Variants in PXN observed in about 807,000 individuals in gnomAD.
PXN encodes paxillin.
PXN carries 61 observed loss-of-function variants against 103.6 expected under a neutral mutation model. That is an observed-to-expected ratio of 0.59 (90% confidence interval 0.48 to 0.73). PXN has a LOEUF of 0.73. Ranked by LOEUF, PXN falls within the 30% of genes least tolerant of loss-of-function variation. PXN has a pLI of 0.00. For missense variants in PXN, 1,274 were observed against 1,460.3 expected (o/e 0.87, Z 2.08); for synonymous variants, 562 against 607.8 (o/e 0.92, Z 1.11).
At position 120,215,580 on chromosome 12, in the gene PXN, C is replaced by T. The variant is rs200541165; in HGVS notation, c.2383G>A (p.Gly795Arg). The T allele has an allele frequency of 8.7e-5, 140 of 1,604,594 alleles. 1 individual carries two copies. The African/African-American group carries it at 1.2e-3, about 14-fold the overall frequency. The change falls in exon 10 of 15, where the codon GGA (glycine) becomes AGA (arginine). Residue 795 changes from glycine (G) to arginine (R), a missense_variant. Transcript: ENST00000637617. This position sits in a 1 kb window ranked among gnomAD's most constrained non-coding sequence, Gnocchi z 4.9. ...WPRDGGRSSP[G>R]GQDEGGFMAQ... ...CTGACCCCTCCCTCGTCCTGCCCTC[C>T]GGGGCTGCTCCGCCCGCCGTCCCGA...
chr12:120,255,344 G>A (rs575331104), intron 1 of PXN, among the ~76,000 whole-genome samples: 11 of 152,202 alleles, frequency 7.2e-5, no homozygotes, highest in Non-Finnish European at 1.3e-4. Context: ...GCTAAAGGGT[G>A]AGACAGGTGT....
chr12:120,212,152 C>T lies in PXN; in HGVS notation c.*162G>A. 9.2e-7 allele frequency: 1 copy of T among 1,090,730 alleles called. No homozygotes were observed. Among genetic ancestry groups the T allele is most frequent in the Non-Finnish European group, 1.3e-6 (1 of 742,994 alleles). 67.6% of individuals were successfully genotyped at this position (1,090,730 alleles called of 1,614,324 possible). ...AGGCTCTGGCAGGGGTGAAGACAAG[C>T]AGGGGGACCCCTCACGGCCCTCTGT... On this transcript the variant is annotated 3_prime_UTR_variant, in exon 15 of 15. Transcript: ENST00000637617. The surrounding 1 kb of genome is among the most constrained non-coding windows in gnomAD (Gnocchi z 7.2).
Position 120,215,668 on chromosome 12 carries a change from TA to T in PXN, c.2302-8del. 3.1e-6 allele frequency: 5 copies of T among 1,601,034 alleles called. No individual in the cohort carries two copies. The highest frequency in any genetic ancestry group is 4.3e-6 in the Non-Finnish European group (5 of 1,175,650). On this transcript the variant is annotated splice_polypyrimidine_tract_variant and splice_region_variant and intron_variant, in intron 9 of 14. Transcript: ENST00000637617. The surrounding 1 kb of genome is among the most constrained non-coding windows in gnomAD (Gnocchi z 4.9). ...TTTGCTCCAGGCCCTGGATCTTAGA[TA>T]GGGGAAGAGATGAGGGTAAGAAATC...
At chr12:120,243,853 G>A (rs574300570) in intron 1 of PXN, among the ~76,000 whole-genome samples, 12 of 152,304 alleles carry the variant, frequency 7.9e-5, no homozygotes, top group African/African-American at 2.9e-4. Context: ...GGAACTGTCT[G>A]CCTAAGGGGC....
chr12:120,265,278 GTC>G lies in PXN; in HGVS notation c.13+337_13+338del, dbSNP rs751203845. Among the ~76,000 whole-genome samples the G allele has an allele frequency of 2.2e-4, 34 of 152,178 alleles. No individual in the cohort carries two copies. Among genetic ancestry groups the G allele is most frequent in the South Asian group, 4.1e-4 (2 of 4,822 alleles). On this transcript the variant is annotated intron_variant, in intron 1 of 14. Transcript: ENST00000637617. The surrounding 1 kb of genome is among the most constrained non-coding windows in gnomAD (Gnocchi z 5.7). ...CTGACGAGGTGGTCTGCCGCAGGAA[GTC>G]TCGTCCCTGCAGCGGACGGGGTGGG... is the stretch of plus-strand genomic sequence containing the variant.
Position 120,212,189 on chromosome 12 carries a change from C to T in PXN, c.*125G>A. The T allele has an allele frequency of 5.1e-6, 7 of 1,368,022 alleles. No homozygotes were observed. Among genetic ancestry groups the T allele is most frequent in the Non-Finnish European group, 7.0e-6 (7 of 1,001,676 alleles). 84.7% of individuals were successfully genotyped at this position (1,368,022 alleles called of 1,614,324 possible). A position where few individuals can be genotyped will look rare whatever the true frequency, so the allele number is the denominator to read the frequency against. On this transcript the variant is annotated 3_prime_UTR_variant, in exon 15 of 15. Coordinates refer to ENST00000637617, the MANE Select transcript of PXN (RefSeq NM_001385981.1). This position sits in a 1 kb window ranked among gnomAD's most constrained non-coding sequence, Gnocchi z 7.2. ...TCACGGCCCTCTGTCCATCCCGCAC[C>T]AGCGGAGGACAAGGGTTCCAGTTTC...
intron 1 of PXN, among the ~76,000 whole-genome samples, chr12:120,258,850 G>A (rs1046671101): frequency 8.7e-5 from 13 of 148,920 alleles, no homozygotes; most frequent in South Asian, 4.3e-4. Flanking sequence ...ACCTGAGGTC[G>A]GGAGTTTGAG....
Position 120,214,296 on chromosome 12 carries a change from C to T in PXN, c.2749-79G>A. The stretch of plus-strand genomic sequence containing the variant: ...GAGACGCCCAGCAAGGCCGTCCTTC[C>T]ACCCGCAGCTCATAGCCATAGACAG... On this transcript the variant is annotated intron_variant, in intron 12 of 14. Transcript: ENST00000637617. This position sits in a 1 kb window ranked among gnomAD's most constrained non-coding sequence, Gnocchi z 5.0. The T allele has an allele frequency of 7.9e-7, 1 of 1,263,218 alleles. No homozygotes were observed. Among genetic ancestry groups the T allele is most frequent in the Middle Eastern group, 1.8e-4 (1 of 5,408 alleles). The allele number at this position is 1,263,218 out of a possible 1,614,324, so 78.3% of individuals were successfully genotyped here.
At position 120,222,915 on chromosome 12, in the gene PXN, GC is replaced by G; in HGVS notation, c.440del (p.Arg147ProfsTer6). ...GTACAGCGTTCAGTTCCAGCAGCAG[GC>G]GGTCGAGTTCAGAAAGGTTGCTGCC... ...SLGSNLSELD[R>X]LLLELNAVQH... On this transcript the variant is annotated frameshift_variant, in exon 4 of 15. Transcript: ENST00000637617. LOFTEE classifies it high-confidence loss of function. The surrounding 1 kb of genome is among the most constrained non-coding windows in gnomAD (Gnocchi z 4.7). The G allele has an allele frequency of 6.2e-7, 1 of 1,613,998 alleles. No individual in the cohort carries two copies. Among genetic ancestry groups the G allele is most frequent in the South Asian group, 1.1e-5 (1 of 91,086 alleles).
chr12:120,228,168 C>T lies in PXN; in HGVS notation c.14-3791G>A, dbSNP rs1371825762. Reference sequence around the variant, plus strand: ...TCCAGACACGCTGCTCGGAAGTAGTCGGGAGACCTCATTCAAGCTAAGAAA... The same window carrying T: ...TCCAGACACGCTGCTCGGAAGTAGTTGGGAGACCTCATTCAAGCTAAGAAA... On this transcript the variant is annotated intron_variant, in intron 1 of 14. Coordinates refer to ENST00000637617, the MANE Select transcript of PXN (RefSeq NM_001385981.1). The surrounding 1 kb of genome is among the most constrained non-coding windows in gnomAD (Gnocchi z 4.7). Among the ~76,000 whole-genome samples, 2 of 152,216 alleles carry T rather than the reference C, an allele frequency of 1.3e-5. No homozygotes were observed. Among genetic ancestry groups the T allele is most frequent in the East Asian group, 1.9e-4 (1 of 5,198 alleles).
At position 120,222,816 on chromosome 12, in the gene PXN, A is replaced by ATGGGCCC. The variant is rs1594397968; in HGVS notation, c.493+40_493+46dup. On this transcript the variant is annotated intron_variant, in intron 4 of 14. Coordinates refer to ENST00000637617, the MANE Select transcript of PXN (RefSeq NM_001385981.1). This position sits in a 1 kb window ranked among gnomAD's most constrained non-coding sequence, Gnocchi z 4.7. ...CCTCCTGGGATCTAGAGGTCAGCAGATGGGCCCTGGGCCCTGGTAGACCCT... is the reference window on the plus strand; with the variant it reads ...CCTCCTGGGATCTAGAGGTCAGCAGATGGGCCCTGGGCCCTGGGCCCTGGTAGACCCT... The ATGGGCCC allele has an allele frequency of 1.2e-6, 2 of 1,607,414 alleles. No homozygotes were observed. Among genetic ancestry groups the ATGGGCCC allele is most frequent in the Non-Finnish European group, 1.7e-6 (2 of 1,176,626 alleles).
Position 120,221,510 on chromosome 12 carries a change from G to T in PXN, c.831+113C>A. 2 of 1,256,854 alleles carry T rather than the reference G, an allele frequency of 1.6e-6. No individual in the cohort carries two copies. The highest frequency in any genetic ancestry group is 2.2e-6 in the Non-Finnish European group (2 of 914,750). The allele number at this position is 1,256,854 out of a possible 1,614,324, so 77.9% of individuals were successfully genotyped here. A position where few individuals can be genotyped will look rare whatever the true frequency, so the allele number is the denominator to read the frequency against. On this transcript the variant is annotated intron_variant, in intron 6 of 14. Coordinates refer to ENST00000637617, the MANE Select transcript of PXN (RefSeq NM_001385981.1). This position sits in a 1 kb window ranked among gnomAD's most constrained non-coding sequence, Gnocchi z 6.6. ...GCATGACAGTGTCCCTGGCTCAGGG[G>T]CAAGGCACCCAAACACTGAGATGCC...
Position 120,215,714 on chromosome 12 carries a change from G to T in PXN, c.2302-53C>A. On this transcript the variant is annotated intron_variant, in intron 9 of 14. Coordinates refer to ENST00000637617, the MANE Select transcript of PXN (RefSeq NM_001385981.1). The surrounding 1 kb of genome is among the most constrained non-coding windows in gnomAD (Gnocchi z 4.9). The stretch of plus-strand genomic sequence containing the variant: ...GAAATCTTTTTTAAAAATTAAGAAA[G>T]AATACAAGACCTTGTCACTGGACTA... The T allele has an allele frequency of 1.3e-6, 2 of 1,540,382 alleles. No homozygotes were observed. Among genetic ancestry groups the T allele is most frequent in the Non-Finnish European group, 1.8e-6 (2 of 1,141,254 alleles).
chr12:120,216,792 C>G lies in PXN; in HGVS notation c.1992+49G>C. 1 of 1,578,714 alleles carries G rather than the reference C, an allele frequency of 6.3e-7. No individual in the cohort carries two copies. The highest frequency in any genetic ancestry group is 8.5e-7 in the Non-Finnish European group (1 of 1,173,922). ...TGGGGCCAGGGAAGAACCCGGACCC[C>G]AGGTGCTTGGCTCTGGCCCAGCCCC... On this transcript the variant is annotated intron_variant, in intron 8 of 14. Coordinates refer to ENST00000637617, the MANE Select transcript of PXN (RefSeq NM_001385981.1). This position sits in a 1 kb window ranked among gnomAD's most constrained non-coding sequence, Gnocchi z 5.1.
Position 120,216,950 on chromosome 12 carries a change from T to C in PXN, c.1883A>G (p.Glu628Gly), listed in dbSNP as rs1883296942. ...GGGCCCCGCCGCCTCCGCCGGCTCC[T>C]CTGCCTCAGGCTGGATGCCCAGCCG... ...QGRLGIQPEA[E>G]EPAEAAGPSA... The change falls in exon 8 of 15, where the codon GAG becomes GGG. Residue 628 changes from glutamate (E) to glycine (G), a missense_variant. Glu to Gly is a moderately conservative substitution (Grantham distance 98). Around this residue, in one of 2 missense-constraint regions of PXN, gnomAD observed 1,178 missense variants for 1,309.0 expected, o/e 0.90. Coordinates refer to ENST00000637617, the MANE Select transcript of PXN (RefSeq NM_001385981.1). The surrounding 1 kb of genome is among the most constrained non-coding windows in gnomAD (Gnocchi z 5.1). The C allele has an allele frequency of 6.5e-7, 1 of 1,534,422 alleles. No individual in the cohort carries two copies. The highest frequency in any genetic ancestry group is 8.7e-7 in the Non-Finnish European group (1 of 1,145,514).
chr12:120,252,439 G>A (rs1566432304), intron 1 of PXN, among the ~76,000 whole-genome samples: 1 of 152,124 alleles, frequency 6.6e-6, no homozygotes, highest in Non-Finnish European at 1.5e-5. Flanking sequence ...CAAAAAGGTG[G>A]ATTCAGCTAA....
rs946458990 is a variant in PXN at position 120,212,937 on chromosome 12, G to A, written c.2980-357C>T. ...GGGTCATGCAGCTACTGAGGTCACA[G>A]CCTGGATTCATACACAGGTCTGACT... On this transcript the variant is annotated intron_variant, in intron 14 of 14. Transcript: ENST00000637617. This position sits in a 1 kb window ranked among gnomAD's most constrained non-coding sequence, Gnocchi z 7.2. 3.5e-5 allele frequency: 7 copies of A among 200,416 alleles called. No individual in the cohort carries two copies. Among genetic ancestry groups the A allele is most frequent in the African/African-American group, 1.2e-4 (5 of 42,734 alleles). 12.4% of individuals were successfully genotyped at this position (200,416 alleles called of 1,614,324 possible).
intron 1 of PXN, among the ~76,000 whole-genome samples, chr12:120,249,387 T>A (rs1170278878): frequency 6.6e-6 from 1 of 151,904 alleles, no homozygotes; most frequent in African/African-American, 2.4e-5. Context: ...AGACTGATAA[T>A]ACCCAACAGG....
Position 120,215,542 on chromosome 12 carries a change from C to A in PXN, c.2403+18G>T. 6.4e-7 allele frequency: 1 copy of A among 1,563,010 alleles called. No homozygotes were observed. ...AGAGCACGACACGCAGGACACCCAG[C>A]CCAGCCTTGGCACTGACCCCTCCCT... On this transcript the variant is annotated intron_variant, in intron 10 of 14. Coordinates refer to ENST00000637617, the MANE Select transcript of PXN (RefSeq NM_001385981.1). The surrounding 1 kb of genome is among the most constrained non-coding windows in gnomAD (Gnocchi z 4.9).
Sources: gnomAD v4.1 joint callset for allele counts (sites outside exome capture counted in the v4.1 genomes callset) on GRCh38, gnomAD v4.1.1 for gene constraint, gnomAD v4.1.1 regional missense constraint, Gnocchi (gnomAD v3.1) non-coding constraint, MANE v1.5 for transcripts, NCBI Gene and HGNC (gene_info 2026-07-23, HGNC 2026-07-21) for gene names.